EHBP1: variants seen among roughly 807,000 people sequenced by gnomAD.
The protein encoded by EHBP1 is EH domain-binding protein 1.
EHBP1 carries 55 observed loss-of-function variants against 144.0 expected under a neutral mutation model. That is an observed-to-expected ratio of 0.38 (90% CI 0.31 to 0.48). EHBP1 has a LOEUF of 0.48. Ranked by LOEUF, EHBP1 falls within the 20% of genes least tolerant of loss-of-function variation. The pLI, the probability that EHBP1 is intolerant of heterozygous loss-of-function variation, is 0.98. For missense variants in EHBP1, 1,200 were observed against 1,364.2 expected, an observed-to-expected ratio of 0.88 and a Z score of 1.90; for synonymous variants, 469 against 472.7, an observed-to-expected ratio of 0.99 and a Z score of 0.10.
Position 62,942,754 on chromosome 2 carries a change from C to A in EHBP1, c.1222C>A (p.Pro408Thr). The A allele has an allele frequency of 6.2e-7, 1 of 1,610,566 alleles. No homozygotes were observed. The highest frequency in any genetic ancestry group is 1.1e-5 in the South Asian group (1 of 90,426). The change falls in exon 11 of 23, where the codon CCA becomes ACA. Residue 408 changes from proline (P) to threonine (T), a missense_variant. By Grantham distance (38) the Pro-to-Thr change is conservative (BLOSUM62 -1). This residue lies in a region of EHBP1 where 266 missense variants were observed against 262.4 expected (regional missense o/e 1.01). Coordinates refer to ENST00000431489, the MANE Select transcript of EHBP1 (RefSeq NM_001142616.3). ...PIPSPVLGRK[P>T]NASQSLLVWC... ...ACCAAGTCCTGTTTTGGGGCGAAAG[C>A]CAAATGCTAGTCAGTCTTTGCTTGT...
intron 10 of EHBP1, among the ~76,000 whole-genome samples, chr2:62,939,357 C>T (rs2056596987): frequency 6.6e-6 from 1 of 152,148 alleles, no homozygotes; most frequent in African/African-American, 2.4e-5. Context: ...TCACTGCAAC[C>T]TCTGCCTGCT....
At chr2:62,795,185 T>C (rs1206224326) in intron 5 of EHBP1, among the ~76,000 whole-genome samples, 1 of 152,068 alleles carries the variant, frequency 6.6e-6, no homozygotes, top group African/African-American at 2.4e-5. Flanking sequence ...TACAGGCACA[T>C]GGTAACAAAT....
chr2:62,773,626 A>G (rs549697528), intron 5 of EHBP1, among the ~76,000 whole-genome samples: 3 of 151,970 alleles, frequency 2.0e-5, no homozygotes, highest in Non-Finnish European at 4.4e-5. Context: ...AGGCAGGCAG[A>G]TTGCCTGAGG....
At chr2:62,878,625 A>G (rs1038393948) in intron 10 of EHBP1, among the ~76,000 whole-genome samples, 4 of 152,188 alleles carry the variant, frequency 2.6e-5, no homozygotes, top group African/African-American at 9.7e-5. Flanking sequence ...ACCATGATCA[A>G]GGAGGTTTCA....
intron 3 of EHBP1, 135 bp from the exon 4 acceptor site, chr2:62,764,131 G>A: frequency 3.3e-6 from 2 of 614,442 alleles, no homozygotes; most frequent in East Asian, 6.7e-5. Context: ...ATACTACATA[G>A]GGTCAATATA....
At chr2:62,810,679 A>G (rs987741403) in intron 5 of EHBP1, among the ~76,000 whole-genome samples, 1 of 152,234 alleles carries the variant, frequency 6.6e-6, no homozygotes, top group African/African-American at 2.4e-5. Context: ...CAGCACATGC[A>G]TTCAAGTCCA....
chr2:63,006,088 A>G (rs926677157), intron 19 of EHBP1, among the ~76,000 whole-genome samples: 7 of 151,984 alleles, frequency 4.6e-5, no homozygotes, highest in African/African-American at 1.4e-4. Flanking sequence ...TCCTTCTCTT[A>G]TAACACTTTT....
At chr2:62,963,738 G>C (rs2153145029) in intron 14 of EHBP1, among the ~76,000 whole-genome samples, 1 of 152,254 alleles carries the variant, frequency 6.6e-6, no homozygotes, top group East Asian at 1.9e-4. Context: ...ATAACATATA[G>C]AGTGAGTTTT....
intron 19 of EHBP1, among the ~76,000 whole-genome samples, chr2:63,024,083 C>T (rs2060870213): frequency 6.6e-6 from 1 of 152,068 alleles, no homozygotes; most frequent in African/African-American, 2.4e-5. Flanking sequence ...CGGTGGCTCA[C>T]ACCTGTAATC....
intron 2 of EHBP1, among the ~76,000 whole-genome samples, chr2:62,729,624 TAAAA>T (rs2037307165): frequency 7.6e-6 from 1 of 131,108 alleles, no homozygotes; most frequent in Non-Finnish European, 1.6e-5. Flanking sequence ...ATAAATAAAA[TAAAA>T]TAAAATAAAA....
chr2:62,996,826 T>TATA, intron 19 of EHBP1, 60 bp downstream of exon 19: 1 of 1,582,688 alleles, frequency 6.3e-7, no homozygotes, highest in South Asian at 1.2e-5. Context: ...CAAACTCTTA[T>TATA]AGAGTTTTGG....
chr2:62,916,027 A>C (rs2054587258), intron 10 of EHBP1, among the ~76,000 whole-genome samples: 1 of 152,182 alleles, frequency 6.6e-6, no homozygotes, highest in Admixed American at 6.5e-5. Flanking sequence ...TTACAGCATT[A>C]AATTTAAAAT....
chr2:62,884,823 T>G (rs2051784118), intron 10 of EHBP1, among the ~76,000 whole-genome samples: 1 of 152,212 alleles, frequency 6.6e-6, no homozygotes, highest in African/African-American at 2.4e-5. Flanking sequence ...GTAAAATAAT[T>G]GACATTTTGA....
intron 5 of EHBP1, among the ~76,000 whole-genome samples, chr2:62,799,931 C>G (rs1321854999): frequency 3.3e-5 from 5 of 152,186 alleles, no homozygotes; most frequent in Non-Finnish European, 5.9e-5. Flanking sequence ...GCCACCTTGT[C>G]TCCTTTAGAG....
chr2:62,836,763 A>T (rs1211729260), intron 7 of EHBP1, among the ~76,000 whole-genome samples: 2 of 144,908 alleles, frequency 1.4e-5, no homozygotes, highest in Non-Finnish European at 3.0e-5. Context: ...AATGAATGAA[A>T]TGAAGCGAGA....
chr2:62,833,628 C>A (rs1158172186), intron 7 of EHBP1, among the ~76,000 whole-genome samples: 1 of 152,202 alleles, frequency 6.6e-6, no homozygotes, highest in Non-Finnish European at 1.5e-5. Context: ...AGTACACTCC[C>A]TGAAAAAACA....
intron 2 of EHBP1, among the ~76,000 whole-genome samples, chr2:62,721,152 T>C (rs2036186987): frequency 1.3e-5 from 2 of 152,186 alleles, no homozygotes. Context: ...TTAGTCTTTT[T>C]TTGTTTTTGT....
upstream of EHBP1, among the ~76,000 whole-genome samples, chr2:62,704,083 G>T (rs577874868): frequency 2.0e-5 from 3 of 152,302 alleles, no homozygotes; most frequent in African/African-American, 7.2e-5. Flanking sequence ...TATTATATGA[G>T]ATCATAATGG....
At chr2:62,969,766 C>T (rs896263102) in intron 14 of EHBP1, among the ~76,000 whole-genome samples, 14 of 151,674 alleles carry the variant, frequency 9.2e-5, no homozygotes, top group African/African-American at 2.7e-4. Context: ...TGATTTTTTT[C>T]TTTCTTTCTT....
Sources: gnomAD v4.1 joint callset for allele counts (sites outside exome capture counted in the v4.1 genomes callset) on GRCh38, gnomAD v4.1.1 for gene constraint, gnomAD v4.1.1 regional missense constraint, MANE v1.5 for transcripts, NCBI Gene and HGNC (gene_info 2026-07-23, HGNC 2026-07-21) for gene names.